CRIM1: variants seen among roughly 807,000 people sequenced by gnomAD.
CRIM1 encodes the protein cysteine rich transmembrane BMP regulator 1, also known as cysteine-rich motor neuron 1 protein.
Under a neutral mutation model 116.4 loss-of-function variants are expected in CRIM1, and 32 were observed. That is an observed-to-expected ratio of 0.27 (90% CI 0.21 to 0.37). The LOEUF is 0.37. Ranked by LOEUF, CRIM1 falls within the 10% of genes least tolerant of loss-of-function variation. The pLI is 1.00. For synonymous variants in CRIM1, 590 were observed against 509.2 expected, an observed-to-expected ratio of 1.16 and a Z score of -2.13; for missense variants, 1,331 against 1,354.8, an observed-to-expected ratio of 0.98 and a Z score of 0.28.
At chr2:36,384,369 C>T (rs545392886) in intron 1 of CRIM1, among the ~76,000 whole-genome samples, 1 of 152,296 alleles carries the variant, frequency 6.6e-6, no homozygotes, top group East Asian at 1.9e-4. Context: ...ACCCTGTGGT[C>T]AGGAGAGTGC....
chr2:36,357,139 C>G (rs974260152), intron 1 of CRIM1, among the ~76,000 whole-genome samples: 1 of 152,164 alleles, frequency 6.6e-6, no homozygotes, highest in Non-Finnish European at 1.5e-5. Context: ...TTATTTTTTC[C>G]TTGAGCTCTT....
At position 36,404,557 on chromosome 2, in the gene CRIM1, G is replaced by GA. The variant is rs1672648900; in HGVS notation, c.505+7772dup. Among the ~76,000 whole-genome samples, 4 of 152,280 alleles carry GA rather than the reference G, an allele frequency of 2.6e-5. No homozygotes were observed. In the South Asian group the frequency reaches 6.2e-4, roughly 24 times the overall value. On this transcript the variant is annotated intron_variant, in intron 2 of 16. Coordinates refer to ENST00000280527, the MANE Select transcript of CRIM1 (RefSeq NM_016441.3). ...ATTTATTCATGTATTCATTCAAAAA[G>GA]AATGTATTGAGCACATGCCATGTGC...
intron 7 of CRIM1, among the ~76,000 whole-genome samples, chr2:36,488,556 C>T (rs984339076): frequency 3.9e-5 from 6 of 152,142 alleles, no homozygotes; most frequent in African/African-American, 1.2e-4. Flanking sequence ...CTGAAATTTG[C>T]CAGAAAGCAT....
At chr2:36,546,899 G>A (rs561129819) in intron 15 of CRIM1, 85 bp from the exon 16 acceptor site, 1 of 751,616 alleles carries the variant, frequency 1.3e-6, no homozygotes, top group Admixed American at 2.9e-5. Context: ...AAACCAAGTT[G>A]CTGATCTCTA....
intron 5 of CRIM1, among the ~76,000 whole-genome samples, chr2:36,475,501 A>C (rs372536441): frequency 2.0e-4 from 30 of 152,326 alleles, no homozygotes; most frequent in African/African-American, 7.0e-4. Context: ...AACTGTTTAC[A>C]TACAAGATCA....
intron 1 of CRIM1, among the ~76,000 whole-genome samples, chr2:36,389,514 T>C (rs1346012410): frequency 6.6e-6 from 1 of 152,222 alleles, no homozygotes; most frequent in Non-Finnish European, 1.5e-5. Context: ...ATTCCATTAC[T>C]GTGAGCTTCT....
At chr2:36,485,063 T>C (rs779142807) in intron 7 of CRIM1, among the ~76,000 whole-genome samples, 1 of 152,240 alleles carries the variant, frequency 6.6e-6, no homozygotes, top group Non-Finnish European at 1.5e-5. Context: ...AATTGCTATT[T>C]GCAGACATAT....
chr2:36,540,855 G>T (rs1167220548), intron 14 of CRIM1, among the ~76,000 whole-genome samples: 2 of 152,122 alleles, frequency 1.3e-5, no homozygotes, highest in African/African-American at 4.8e-5. Flanking sequence ...AGAAATAGAG[G>T]TCAATTCATT....
chr2:36,355,804 A>G lies in CRIM1; in HGVS notation c.-489A>G, dbSNP rs1392603002. 2.7e-5 allele frequency: 4 copies of G among 150,940 alleles called. No homozygotes were observed. In the East Asian group the frequency reaches 6.1e-4, roughly 23 times the overall value. The allele number at this position is 150,940 out of a possible 1,614,324, so 9.4% of individuals were successfully genotyped here. ...GGAGTGAGGCGAGCGGGGCGCGCGG[A>G]GCGGACGCCGCGGATCTTGTGCTGC... On this transcript the variant is annotated 5_prime_UTR_variant, in exon 1 of 17. Coordinates refer to ENST00000280527, the MANE Select transcript of CRIM1 (RefSeq NM_016441.3).
rs549652708 is a variant in CRIM1, at chr2:36,403,977, A to C, written c.505+7190A>C. Among the ~76,000 whole-genome samples, 3 of 152,244 alleles carry C rather than the reference A, an allele frequency of 2.0e-5. No homozygotes were observed. In the South Asian group the frequency reaches 6.2e-4, roughly 32 times the overall value. On this transcript the variant is annotated intron_variant, in intron 2 of 16. Coordinates refer to ENST00000280527, the MANE Select transcript of CRIM1 (RefSeq NM_016441.3). The stretch of plus-strand genomic sequence containing the variant: ...TAATGACTTTTTGAGTACATAAATG[A>C]TGTGAGGAGTATGAGCATTTTTAGG...
chr2:36,365,564 G>A (rs1669533269), intron 1 of CRIM1, among the ~76,000 whole-genome samples: 2 of 152,148 alleles, frequency 1.3e-5, no homozygotes, highest in East Asian at 3.9e-4. Flanking sequence ...TCTTTGATGT[G>A]GACTAATAGT....
chr2:36,449,424 A>G (rs185824511), intron 4 of CRIM1, among the ~76,000 whole-genome samples: 1 of 152,164 alleles, frequency 6.6e-6, no homozygotes, highest in Non-Finnish European at 1.5e-5. Context: ...GCACTTTGTT[A>G]TTGTCTGTAA....
chr2:36,402,251 A>G (rs1022335520), intron 2 of CRIM1, among the ~76,000 whole-genome samples: 6 of 152,214 alleles, frequency 3.9e-5, no homozygotes, highest in African/African-American at 1.4e-4. Context: ...TGCTGTATTC[A>G]GGGACCTCAG....
intron 13 of CRIM1, among the ~76,000 whole-genome samples, chr2:36,526,218 T>C (rs1665748647): frequency 6.6e-6 from 1 of 152,218 alleles, no homozygotes; most frequent in Admixed American, 6.5e-5. Context: ...GTAAATACAT[T>C]CAAACTTAGA....
At chr2:36,369,992 T>G (rs574799420) in intron 1 of CRIM1, among the ~76,000 whole-genome samples, 1 of 152,340 alleles carries the variant, frequency 6.6e-6, no homozygotes, top group African/African-American at 2.4e-5. Flanking sequence ...TTGAAGCAAG[T>G]TGACTGTAGT....
At chr2:36,468,905 T>C (rs1201305480) in intron 5 of CRIM1, among the ~76,000 whole-genome samples, 1 of 152,220 alleles carries the variant, frequency 6.6e-6, no homozygotes, top group Non-Finnish European at 1.5e-5. Flanking sequence ...AAATGGAATA[T>C]CTTGGTTGGA....
intron 7 of CRIM1, among the ~76,000 whole-genome samples, chr2:36,488,060 T>C (rs1679962361): frequency 6.6e-6 from 1 of 152,236 alleles, no homozygotes; most frequent in Non-Finnish European, 1.5e-5. Flanking sequence ...TTTCCTGGTA[T>C]AGTCTTAAGT....
intron 4 of CRIM1, among the ~76,000 whole-genome samples, chr2:36,450,078 A>G (rs1317136339): frequency 6.6e-6 from 1 of 152,000 alleles, no homozygotes; most frequent in Non-Finnish European, 1.5e-5. Context: ...GATAGTCCCT[A>G]CGTAGCAGAA....
chr2:36,525,276 T>C (rs923115079), intron 13 of CRIM1, among the ~76,000 whole-genome samples: 3 of 152,238 alleles, frequency 2.0e-5, no homozygotes, highest in African/African-American at 7.2e-5. Context: ...AGCCCTGCTA[T>C]ATCTAAACAT....
Sources: allele counts gnomAD v4.1 joint callset (sites outside exome capture counted in the v4.1 genomes callset), GRCh38; gene constraint gnomAD v4.1.1; transcripts MANE v1.5; gene names NCBI Gene and HGNC (gene_info 2026-07-23, HGNC 2026-07-21).